Variants in KHDRBS2 observed in about 807,000 individuals in gnomAD.
KHDRBS2 encodes the protein KH RNA binding domain containing, signal transduction associated 2, also known as KH domain-containing, RNA-binding, signal transduction-associated protein 2.
KHDRBS2 carries 26 observed loss-of-function variants against 44.3 expected under a neutral mutation model. The observed-to-expected ratio is 0.59, with a 90% CI of 0.43 to 0.81. The LOEUF (loss-of-function observed/expected upper bound fraction) is 0.81. Ranked by LOEUF, KHDRBS2 falls within the 40% of genes least tolerant of loss-of-function variation. KHDRBS2 has a pLI of 0.00. For missense variants in KHDRBS2, 476 were observed against 433.1 expected, an observed-to-expected ratio of 1.10 and a Z score of -0.88; for synonymous variants, 194 against 151.1, an observed-to-expected ratio of 1.28 and a Z score of -2.08.
the KHDRBS2 span, among the ~76,000 whole-genome samples, chr6:61,631,612 T>TTTTTTTA: frequency 6.6e-6 from 1 of 152,090 alleles, no homozygotes; most frequent in Admixed American, 6.6e-5. Context: ...TTGATAGAAA[T>TTTTTTTA]AGGAGATCAT....
chr6:61,655,993 AG>A, the KHDRBS2 span, among the ~76,000 whole-genome samples: 2 of 152,192 alleles, frequency 1.3e-5, no homozygotes, highest in South Asian at 4.1e-4. Flanking sequence ...GTAACTGCCT[AG>A]AGAGAAATCT....
intron 1 of KHDRBS2, among the ~76,000 whole-genome samples, chr6:62,285,131 A>G (rs991670128): frequency 2.0e-5 from 3 of 152,156 alleles, no homozygotes; most frequent in African/African-American, 4.8e-5. Context: ...TCAAAAAAAA[A>G]CCTTTCAAAG....
intron 2 of KHDRBS2, among the ~76,000 whole-genome samples, chr6:62,057,251 C>T (rs1790500684): frequency 1.3e-5 from 2 of 151,886 alleles, no homozygotes; most frequent in African/African-American, 4.8e-5. Context: ...GATTCTATCC[C>T]TGCCACAATT....
chr6:61,768,201 G>A (rs1173108587), intron 6 of KHDRBS2, among the ~76,000 whole-genome samples: 1 of 152,118 alleles, frequency 6.6e-6, no homozygotes, highest in Non-Finnish European at 1.5e-5. Context: ...GAAAAGTCCA[G>A]TGGAAACCTT....
intron 2 of KHDRBS2, among the ~76,000 whole-genome samples, chr6:62,069,688 C>T (rs147514096): frequency 4.6e-5 from 7 of 151,840 alleles, no homozygotes; most frequent in African/African-American, 4.8e-5. Flanking sequence ...AAAATGGATG[C>T]CTTCAACCCT....
At chr6:61,771,832 C>A (rs150225245) in intron 6 of KHDRBS2, among the ~76,000 whole-genome samples, 143 of 152,202 alleles carry the variant, frequency 9.4e-4, no homozygotes, top group Non-Finnish European at 1.5e-3. Flanking sequence ...CTGCACCGAG[C>A]GGACCTAATA....
intron 6 of KHDRBS2, among the ~76,000 whole-genome samples, chr6:61,742,848 G>C (rs1248425315): frequency 6.6e-6 from 1 of 152,018 alleles, no homozygotes; most frequent in East Asian, 1.9e-4. Flanking sequence ...CTAATAAAAG[G>C]AAGCTATTCT....
the KHDRBS2 span, among the ~76,000 whole-genome samples, chr6:61,647,229 T>C: frequency 6.6e-6 from 1 of 152,212 alleles, no homozygotes; most frequent in Non-Finnish European, 1.5e-5. Context: ...GAAAGTATTT[T>C]ATATATGGTA....
At chr6:62,135,879 A>C (rs1811411898) in intron 2 of KHDRBS2, among the ~76,000 whole-genome samples, 1 of 152,160 alleles carries the variant, frequency 6.6e-6, no homozygotes, top group South Asian at 2.1e-4. Context: ...AAAGGACTGT[A>C]AGAAACAGAG....
At chr6:62,018,510 G>T (rs1781666158) in intron 3 of KHDRBS2, among the ~76,000 whole-genome samples, 1 of 152,060 alleles carries the variant, frequency 6.6e-6, no homozygotes, top group African/African-American at 2.4e-5. Context: ...ACCACGCCCG[G>T]CTAATTTTTG....
chr6:61,807,528 T>C (rs1403154129), intron 6 of KHDRBS2, among the ~76,000 whole-genome samples: 2 of 152,024 alleles, frequency 1.3e-5, no homozygotes, highest in African/African-American at 4.8e-5. Flanking sequence ...GCAACATAGA[T>C]GGAGCTGGGC....
intron 7 of KHDRBS2, among the ~76,000 whole-genome samples, chr6:61,706,544 C>G (rs1234265170): frequency 6.6e-6 from 1 of 151,758 alleles, no homozygotes; most frequent in Non-Finnish European, 1.5e-5. Flanking sequence ...AATTTGAGAT[C>G]ATTCTCTTTT....
At chr6:61,573,928 T>C in the KHDRBS2 span, among the ~76,000 whole-genome samples, 372 of 151,990 alleles carry the variant, frequency 2.4e-3, 2 homozygotes, top group African/African-American at 8.6e-3. Context: ...AGTGCTGGTA[T>C]TAAAAAAGAC....
intron 4 of KHDRBS2, among the ~76,000 whole-genome samples, chr6:61,916,286 C>A (rs1450995078): frequency 3.9e-5 from 6 of 151,984 alleles, no homozygotes; most frequent in Admixed American, 3.9e-4. Context: ...ACAGAGAATT[C>A]TATTCTCAAA....
chr6:62,249,262 T>C (rs1836134424), intron 1 of KHDRBS2, among the ~76,000 whole-genome samples: 1 of 152,086 alleles, frequency 6.6e-6, no homozygotes, highest in Non-Finnish European at 1.5e-5. Context: ...TCACACTGAT[T>C]AAAAGTACAG....
At chr6:61,930,906 T>C (rs1324766115) in intron 4 of KHDRBS2, among the ~76,000 whole-genome samples, 1 of 152,072 alleles carries the variant, frequency 6.6e-6, no homozygotes, top group Non-Finnish European at 1.5e-5. Context: ...CATTTTTTAC[T>C]CAAAGAAAGA....
chr6:61,585,217 A>T, the KHDRBS2 span, among the ~76,000 whole-genome samples: 1 of 151,942 alleles, frequency 6.6e-6, no homozygotes, highest in Non-Finnish European at 1.5e-5. Flanking sequence ...GATAAAAAAA[A>T]ATGTTCAGTA....
the KHDRBS2 span, among the ~76,000 whole-genome samples, chr6:61,619,755 A>AT: frequency 6.0e-5 from 9 of 148,964 alleles, no homozygotes; most frequent in Non-Finnish European, 6.0e-5. Flanking sequence ...CGTCTGGCCT[A>AT]TTTTTTTTTA....
At chr6:61,700,959 C>T (rs1256917448) in intron 7 of KHDRBS2, among the ~76,000 whole-genome samples, 2 of 151,728 alleles carry the variant, frequency 1.3e-5, no homozygotes, top group African/African-American at 4.8e-5. Flanking sequence ...GCCTCTGTTA[C>T]AACAGAGTAG....
Sources: gnomAD v4.1 joint callset for allele counts (sites outside exome capture counted in the v4.1 genomes callset) on GRCh38, gnomAD v4.1.1 for gene constraint, MANE v1.5 for transcripts, NCBI Gene and HGNC (gene_info 2026-07-23, HGNC 2026-07-21) for gene names.